Variants in NRG3 observed in about 807,000 individuals in gnomAD.
The protein encoded by NRG3 is neuregulin 3.
A neutral mutation model predicts 66.9 loss-of-function variants in NRG3; 31 were observed. That is an observed-to-expected ratio of 0.46 (90% CI 0.35 to 0.63). The LOEUF is 0.63. NRG3 is among the 20% of genes least tolerant of loss of function. The pLI is 0.00. For synonymous variants in NRG3, 393 were observed against 359.4 expected, an observed-to-expected ratio of 1.09 and a Z score of -1.06; for missense variants, 910 against 878.9, an observed-to-expected ratio of 1.04 and a Z score of -0.45.
At chr10:82,228,943 G>C in intron 1 of NRG3, 1 of 152,288 alleles carries the variant, frequency 6.6e-6, no homozygotes, top group East Asian at 1.9e-4. Flanking sequence ...TATGAAAGGA[G>C]TCAGACAGTG....
At chr10:82,939,917 G>A (rs1848444241) in intron 4 of NRG3, among the ~76,000 whole-genome samples, 1 of 151,498 alleles carries the variant, frequency 6.6e-6, no homozygotes, top group South Asian at 2.1e-4. Context: ...AAGACCACTG[G>A]TAAATGTCCT....
intron 2 of NRG3, among the ~76,000 whole-genome samples, chr10:82,362,333 A>ATATGTG (rs776684951): frequency 5.9e-5 from 8 of 135,894 alleles, no homozygotes; most frequent in Admixed American, 5.3e-4. Context: ...GTATATATAT[A>ATATGTG]TGTGTGTGTG....
At chr10:82,827,332 C>T (rs999556084) in intron 3 of NRG3, among the ~76,000 whole-genome samples, 2 of 151,992 alleles carry the variant, frequency 1.3e-5, no homozygotes, top group Non-Finnish European at 2.9e-5. Context: ...TGCCTTTGGC[C>T]CATCTGCAGA....
rs143055980 is a variant in NRG3 at position 82,117,160 on chromosome 10, C to T, written c.823+240997C>T. The stretch of plus-strand genomic sequence containing the variant: ...GGATAATTTCCTCTGGGGAACTTTC[C>T]AACTCCCCCAGGCGGAAATAGTTCC... On this transcript the variant is annotated intron_variant, in intron 1 of 8. Transcript: ENST00000372141. 3.5e-4 allele frequency among the ~76,000 whole-genome samples: 53 copies of T among 152,190 alleles called. No individual in the cohort carries two copies. The East Asian group carries it at 6.0e-3, about 17-fold the overall frequency.
intron 1 of NRG3, among the ~76,000 whole-genome samples, chr10:81,921,715 A>G (rs915729141): frequency 6.6e-6 from 1 of 152,094 alleles, no homozygotes; most frequent in Non-Finnish European, 1.5e-5. Flanking sequence ...AGTAGCAAGC[A>G]CTATAACATT....
chr10:82,528,912 G>A (rs1324819513), intron 2 of NRG3, among the ~76,000 whole-genome samples: 1 of 152,038 alleles, frequency 6.6e-6, no homozygotes, highest in African/African-American at 2.4e-5. Context: ...GATAGCCCTG[G>A]TTATCCTTCT....
At chr10:82,930,820 C>G (rs748592307) in intron 4 of NRG3, among the ~76,000 whole-genome samples, 3 of 152,060 alleles carry the variant, frequency 2.0e-5, no homozygotes, top group Non-Finnish European at 4.4e-5. Flanking sequence ...ACTGGGAACC[C>G]CATCTATGGG....
chr10:82,767,271 T>A (rs2059553384), intron 3 of NRG3, among the ~76,000 whole-genome samples: 1 of 152,002 alleles, frequency 6.6e-6, no homozygotes, highest in African/African-American at 2.4e-5. Flanking sequence ...CTGCATGTCT[T>A]CTTGGGATTT....
chr10:82,721,123 C>CTTTTTT (rs531541747), intron 2 of NRG3, among the ~76,000 whole-genome samples: 2 of 47,864 alleles, frequency 4.2e-5, no homozygotes, highest in Non-Finnish European at 3.6e-5. Flanking sequence ...GAGTTTCACC[C>CTTTTTT]TTTTTTTTTT....
chr10:82,460,789 G>A (rs939048906), intron 2 of NRG3, among the ~76,000 whole-genome samples: 4 of 152,162 alleles, frequency 2.6e-5, no homozygotes, highest in Non-Finnish European at 1.5e-5. Flanking sequence ...CCTTGCACCA[G>A]CAGCTGCAGT....
At chr10:82,636,373 A>G (rs1349021100) in intron 2 of NRG3, among the ~76,000 whole-genome samples, 1 of 152,162 alleles carries the variant, frequency 6.6e-6, no homozygotes, top group Non-Finnish European at 1.5e-5. Flanking sequence ...CTTCTCCAAA[A>G]GAAACCAGTT....
At chr10:81,948,623 G>T (rs1231240528) in intron 1 of NRG3, among the ~76,000 whole-genome samples, 2 of 152,292 alleles carry the variant, frequency 1.3e-5, no homozygotes, top group East Asian at 3.9e-4. Flanking sequence ...GTGGGAAGAT[G>T]CTGGAGGTAC....
chr10:82,379,618 T>G (rs1383801620), intron 2 of NRG3, among the ~76,000 whole-genome samples: 1 of 152,198 alleles, frequency 6.6e-6, no homozygotes, highest in Non-Finnish European at 1.5e-5. Context: ...TTCACTCTTA[T>G]GAAATTTTAT....
chr10:82,963,073 C>T (rs1564671196), intron 6 of NRG3, among the ~76,000 whole-genome samples: 2 of 151,944 alleles, frequency 1.3e-5, no homozygotes, highest in African/African-American at 4.8e-5. Flanking sequence ...CATATAATAT[C>T]TTTATTATAT....
chr10:82,264,146 G>A (rs1424092426), intron 1 of NRG3, among the ~76,000 whole-genome samples: 3 of 152,244 alleles, frequency 2.0e-5, no homozygotes, highest in East Asian at 3.9e-4. Context: ...AAAAAACGTA[G>A]AGCCTTTGTA....
intron 2 of NRG3, among the ~76,000 whole-genome samples, chr10:82,382,496 C>A (rs2085680602): frequency 6.6e-6 from 1 of 151,746 alleles, no homozygotes; most frequent in African/African-American, 2.4e-5. Context: ...ATCTAGTTAC[C>A]TTATGTACTA....
At chr10:82,948,279 G>A (rs1394938886) in intron 4 of NRG3, among the ~76,000 whole-genome samples, 1 of 151,952 alleles carries the variant, frequency 6.6e-6, no homozygotes. Context: ...TTATTTATTT[G>A]TCTATAATTA....
intron 2 of NRG3, among the ~76,000 whole-genome samples, chr10:82,572,616 A>G (rs2045807202): frequency 6.6e-6 from 1 of 151,494 alleles, no homozygotes; most frequent in Non-Finnish European, 1.5e-5. Context: ...GTGTGCCTAC[A>G]TTTGTTTAGG....
intron 1 of NRG3, among the ~76,000 whole-genome samples, chr10:82,192,844 A>C (rs1183227571): frequency 6.6e-6 from 1 of 152,180 alleles, no homozygotes; most frequent in Non-Finnish European, 1.5e-5. Flanking sequence ...AAGAACAAAA[A>C]GTTATTATGA....
Sources: allele counts gnomAD v4.1 joint callset (sites outside exome capture counted in the v4.1 genomes callset), GRCh38; gene constraint gnomAD v4.1.1; transcripts MANE v1.5; gene names NCBI Gene and HGNC (gene_info 2026-07-23, HGNC 2026-07-21).